Variants in MBNL1 observed in about 807,000 individuals in gnomAD.
MBNL1 encodes the protein muscleblind-like protein 1.
A neutral mutation model predicts 42.2 loss-of-function variants in MBNL1; 8 were observed. The ratio of observed to expected loss-of-function variants is 0.19; its 90% CI spans 0.11 to 0.34. The LOEUF (loss-of-function observed/expected upper bound fraction) is 0.34. MBNL1 is among the 10% of genes least tolerant of loss of function. MBNL1 has a pLI of 1.00. For synonymous variants in MBNL1, 169 were observed against 173.9 expected (o/e 0.97, Z 0.22); for missense variants, 309 against 495.3 (o/e 0.62, Z 3.57).
chr3:152,439,893 A>G (rs2099124381), intron 4 of MBNL1, among the ~76,000 whole-genome samples: 1 of 152,134 alleles, frequency 6.6e-6, no homozygotes, highest in South Asian at 2.1e-4. Context: ...AAATAAGGTA[A>G]TGGCTAATTT....
intron 5 of MBNL1, 115 bp downstream of exon 5, chr3:152,445,654 T>A: frequency 8.7e-7 from 1 of 1,150,108 alleles, no homozygotes; most frequent in Non-Finnish European, 1.2e-6. Context: ...GCTGAAGATA[T>A]GTTTGTTCAG....
chr3:152,332,648 T>C (rs1374067183), intron 2 of MBNL1, among the ~76,000 whole-genome samples: 2 of 151,258 alleles, frequency 1.3e-5, no homozygotes, highest in African/African-American at 4.9e-5. Context: ...AGAGGGGAGG[T>C]GCCTTCACCA....
At chr3:152,297,901 A>G (rs1577352384) in intron 1 of MBNL1, among the ~76,000 whole-genome samples, 1 of 151,322 alleles carries the variant, frequency 6.6e-6, no homozygotes, top group Non-Finnish European at 1.5e-5. Flanking sequence ...TGATCCACCC[A>G]CCTCAGCCTC....
chr3:152,419,685 T>TTTTG (rs137968164), intron 3 of MBNL1, among the ~76,000 whole-genome samples: 3,164 of 149,288 alleles, frequency 0.021, 58 homozygotes, highest in Admixed American at 0.042. Flanking sequence ...GCAGGAGTTT[T>TTTTG]TTTGTTTGTT....
chr3:152,433,956 G>A (rs923450764), intron 4 of MBNL1, among the ~76,000 whole-genome samples: 3 of 152,270 alleles, frequency 2.0e-5, no homozygotes, highest in East Asian at 1.9e-4. Flanking sequence ...AGCATCAAAT[G>A]TACACTGAAG....
At chr3:152,325,324 T>C (rs2079092598) in intron 2 of MBNL1, among the ~76,000 whole-genome samples, 1 of 152,078 alleles carries the variant, frequency 6.6e-6, no homozygotes, top group Non-Finnish European at 1.5e-5. Flanking sequence ...TTACTCCATC[T>C]CTGCATTTGA....
At chr3:152,422,706 C>T (rs991712332) in intron 3 of MBNL1, among the ~76,000 whole-genome samples, 1 of 152,168 alleles carries the variant, frequency 6.6e-6, no homozygotes, top group African/African-American at 2.4e-5. Context: ...GGAAGTAAAA[C>T]ACTCCTCAAA....
intron 2 of MBNL1, among the ~76,000 whole-genome samples, chr3:152,339,418 A>G (rs1474692104): frequency 6.6e-6 from 1 of 152,126 alleles, no homozygotes; most frequent in East Asian, 1.9e-4. Context: ...TTAACAATAC[A>G]AAACACCTCT....
At chr3:152,256,321 C>T (rs150956473) in intron 2 of MBNL1, among the ~76,000 whole-genome samples, 1 of 152,208 alleles carries the variant, frequency 6.6e-6, no homozygotes, top group East Asian at 1.9e-4. Flanking sequence ...CTAATCTTGG[C>T]CATTTGAAGA....
rs892045254 is a variant in MBNL1, at chr3:152,248,979, G to A, written n.333+4539G>A. On this transcript the variant is annotated intron_variant and non_coding_transcript_variant, in intron 2 of 2. Transcript: ENST00000477171. ...TTTTTATGGCTGCATAGTATTCCAT[G>A]GTGTATATGTGCCACATTTTCTTAA... is the stretch of plus-strand genomic sequence containing the variant. Among the ~76,000 whole-genome samples, 548 of 151,634 alleles carry A rather than the reference G, an allele frequency of 3.6e-3. 2 individuals are homozygous for A. Among genetic ancestry groups the A allele is most frequent in the Non-Finnish European group, 6.2e-3 (421 of 67,870 alleles).
At chr3:152,363,105 A>G (rs73869998) in intron 2 of MBNL1, among the ~76,000 whole-genome samples, 1,939 of 152,318 alleles carry the variant, frequency 0.013, 38 homozygotes, top group African/African-American at 0.044. Flanking sequence ...ATAGAATTGC[A>G]TATGTAAGAA....
chr3:152,383,403 C>A (rs369581256), intron 2 of MBNL1, among the ~76,000 whole-genome samples: 2 of 152,028 alleles, frequency 1.3e-5, no homozygotes, highest in East Asian at 3.8e-4. Context: ...TGTCATGCCT[C>A]ACCACAGTTT....
chr3:152,369,479 G>A (rs960965250), intron 2 of MBNL1, among the ~76,000 whole-genome samples: 1 of 152,004 alleles, frequency 6.6e-6, no homozygotes. Context: ...TCTTTTTTTT[G>A]TTGTGTCTCT....
chr3:152,409,410 G>C (rs1434242283), intron 2 of MBNL1, among the ~76,000 whole-genome samples: 1 of 151,480 alleles, frequency 6.6e-6, no homozygotes, highest in Non-Finnish European at 1.5e-5. Context: ...TGGCTTGACT[G>C]CCAATGTTAC....
chr3:152,462,023 GA>G (rs748357893), intron 9 of MBNL1, among the ~76,000 whole-genome samples: 1 of 151,908 alleles, frequency 6.6e-6, no homozygotes, highest in Non-Finnish European at 1.5e-5. Context: ...CTTTACTCTT[GA>G]AACCTTATTA....
intron 2 of MBNL1, among the ~76,000 whole-genome samples, chr3:152,392,239 CT>C (rs1331782873): frequency 2.6e-5 from 4 of 152,010 alleles, no homozygotes; most frequent in African/African-American, 9.7e-5. Context: ...ATATAATCCC[CT>C]GCTTAGGTAA....
chr3:152,416,405 A>G (rs1164543875), intron 3 of MBNL1, among the ~76,000 whole-genome samples: 1 of 152,196 alleles, frequency 6.6e-6, no homozygotes, highest in African/African-American at 2.4e-5. Context: ...ACATGGCTGT[A>G]TTAGGATAGC....
Position 152,465,677 on chromosome 3 carries a change from C to T in MBNL1, c.*3311C>T, listed in dbSNP as rs1332288001. 6.6e-6 allele frequency: 1 copy of T among 152,516 alleles called. No individual in the cohort carries two copies. Among genetic ancestry groups the T allele is most frequent in the Non-Finnish European group, 1.5e-5 (1 of 68,016 alleles). 9.4% of individuals were successfully genotyped at this position (152,516 alleles called of 1,614,324 possible). On this transcript the variant is annotated 3_prime_UTR_variant, in exon 10 of 10. Transcript: ENST00000324210. ...TTAAAATTATGTATTTTGTCTTGGGCTGCAATTTGTTTTATGCTTATTTTA... is the reference window on the plus strand; with the variant it reads ...TTAAAATTATGTATTTTGTCTTGGGTTGCAATTTGTTTTATGCTTATTTTA...
chr3:152,449,439 G>A (rs1233883799), intron 6 of MBNL1: 6 of 152,078 alleles, frequency 3.9e-5, no homozygotes, highest in Non-Finnish European at 8.8e-5. Context: ...GCTATTTAAA[G>A]AAAGCTGAAA....
Sources: gnomAD v4.1 joint callset for allele counts (sites outside exome capture counted in the v4.1 genomes callset) on GRCh38, gnomAD v4.1.1 for gene constraint, MANE v1.5 for transcripts, NCBI Gene and HGNC (gene_info 2026-07-23, HGNC 2026-07-21) for gene names.